Variants in TNKS observed in about 807,000 individuals in gnomAD.
TNKS encodes the protein tankyrase.
TNKS carries 72 observed loss-of-function variants against 135.8 expected under a neutral mutation model. The observed-to-expected ratio is 0.53, with a 90% CI of 0.44 to 0.64. The LOEUF (loss-of-function observed/expected upper bound fraction) is 0.64. Ranked by LOEUF, TNKS falls within the 30% of genes least tolerant of loss-of-function variation. TNKS has a pLI of 0.00. For missense variants in TNKS, 1,769 were observed against 1,674.0 expected, an observed-to-expected ratio of 1.06 and a Z score of -0.99; for synonymous variants, 849 against 649.3, an observed-to-expected ratio of 1.31 and a Z score of -4.68.
At chr8:9,646,346 T>G (rs1196457153) in intron 3 of TNKS, among the ~76,000 whole-genome samples, 2 of 152,160 alleles carry the variant, frequency 1.3e-5, no homozygotes, top group East Asian at 1.9e-4. Context: ...ATATAACTTT[T>G]TTATTCACCT....
At chr8:9,678,113 G>A (rs562818283) in intron 3 of TNKS, among the ~76,000 whole-genome samples, 1 of 152,264 alleles carries the variant, frequency 6.6e-6, no homozygotes, top group South Asian at 2.1e-4. Flanking sequence ...ATTCCTTGAG[G>A]TCAGAGATGA....
In TNKS at chr8:9,567,514, C is replaced by T. The variant is rs373585674; in HGVS notation, c.673+10902C>T. Among the ~76,000 whole-genome samples the T allele has an allele frequency of 5.3e-5, 8 of 152,326 alleles. 1 individual carries two copies. The highest frequency in any genetic ancestry group is 1.9e-4 in the East Asian group (1 of 5,182). On this transcript the variant is annotated intron_variant, in intron 1 of 26. Transcript: ENST00000310430. ...CACTGCAAGCTCTGCCTCCCGGGTT[C>T]ACGCCATTCTCCTGCCTCAGCCTCC...
intron 6 of TNKS, among the ~76,000 whole-genome samples, chr8:9,705,966 G>A (rs1050670688): frequency 1.3e-5 from 2 of 151,246 alleles, no homozygotes; most frequent in African/African-American, 4.9e-5. Context: ...TCTTCTATTT[G>A]GTATTTTTTT....
chr8:9,663,643 T>C (rs751448414), intron 3 of TNKS, among the ~76,000 whole-genome samples: 2 of 152,234 alleles, frequency 1.3e-5, no homozygotes, highest in African/African-American at 2.4e-5. Context: ...ATACTTCTTA[T>C]CTGCTGGCTG....
At chr8:9,687,146 T>G (rs2128800011) in intron 5 of TNKS, among the ~76,000 whole-genome samples, 1 of 152,270 alleles carries the variant, frequency 6.6e-6, no homozygotes. Flanking sequence ...TATAGTGACC[T>G]TTATCACCCT....
At chr8:9,692,804 G>A (rs1203310109) in intron 5 of TNKS, among the ~76,000 whole-genome samples, 1 of 152,146 alleles carries the variant, frequency 6.6e-6, no homozygotes, top group African/African-American at 2.4e-5. Flanking sequence ...CAAAAGTTAA[G>A]TAACTTCAAT....
intron 2 of TNKS, among the ~76,000 whole-genome samples, chr8:9,610,903 A>G (rs192320554): frequency 7.0e-4 from 107 of 152,338 alleles, no homozygotes; most frequent in African/African-American, 2.4e-3. Flanking sequence ...CTTTGTATGA[A>G]TGTAGAAATA....
At chr8:9,677,913 C>A (rs1802614103) in intron 3 of TNKS, among the ~76,000 whole-genome samples, 1 of 152,166 alleles carries the variant, frequency 6.6e-6, no homozygotes, top group Non-Finnish European at 1.5e-5. Context: ...GACCCTGCTT[C>A]ACCTGAGGAT....
chr8:9,632,234 G>T (rs995384144), intron 3 of TNKS, among the ~76,000 whole-genome samples: 1 of 152,152 alleles, frequency 6.6e-6, no homozygotes, highest in African/African-American at 2.4e-5. Flanking sequence ...TGAATTTTAT[G>T]AGTCATATGT....
chr8:9,606,579 C>G lies in TNKS; in HGVS notation c.899-9003C>G, dbSNP rs147368994. On this transcript the variant is annotated intron_variant, in intron 2 of 26. Coordinates refer to ENST00000310430, the MANE Select transcript of TNKS (RefSeq NM_003747.3). ...CTATGTTTCACTTCTTAAGACCATA[C>G]TTTCCTTTAATTCTTGGAATTTATT... Among the ~76,000 whole-genome samples the G allele has an allele frequency of 2.0e-5, 3 of 152,214 alleles. No individual in the cohort carries two copies. In the East Asian group the frequency reaches 5.8e-4, roughly 29 times the overall value.
chr8:9,669,182 G>A (rs1802147813), intron 3 of TNKS, among the ~76,000 whole-genome samples: 1 of 152,092 alleles, frequency 6.6e-6, no homozygotes, highest in Middle Eastern at 3.4e-3. Context: ...ACTTTGGGAG[G>A]CCGAGGCGGG....
intron 3 of TNKS, among the ~76,000 whole-genome samples, chr8:9,675,644 C>T (rs189856192): frequency 4.0e-4 from 61 of 152,198 alleles, no homozygotes; most frequent in African/African-American, 1.3e-3. Context: ...TGTGATTAAC[C>T]TAGTTAAAGC....
At chr8:9,707,681 C>G (rs1804113289) in intron 8 of TNKS, among the ~76,000 whole-genome samples, 1 of 152,114 alleles carries the variant, frequency 6.6e-6, no homozygotes, top group Non-Finnish European at 1.5e-5. Flanking sequence ...ATATTGGATT[C>G]TCATTCATGC....
At chr8:9,630,714 T>C (rs1001921249) in intron 3 of TNKS, among the ~76,000 whole-genome samples, 1 of 152,196 alleles carries the variant, frequency 6.6e-6, no homozygotes, top group Non-Finnish European at 1.5e-5. Context: ...TTACAGAGAA[T>C]CACTTGTTTG....
chr8:9,742,378 A>G (rs2128822862), intron 17 of TNKS, among the ~76,000 whole-genome samples: 1 of 148,258 alleles, frequency 6.7e-6, no homozygotes, highest in East Asian at 2.0e-4. Context: ...GTTTTTTAAC[A>G]TGGGCAACCC....
chr8:9,720,513 T>A lies in TNKS; in HGVS notation c.1889T>A (p.Met630Lys). Residue 630 changes from methionine to lysine, a missense_variant, in exon 12 of 27, where the codon ATG becomes AAG. Coordinates refer to ENST00000310430, the MANE Select transcript of TNKS (RefSeq NM_003747.3). ...TTACAAGGCTTCACAGCAGCACAGATGGGCAATGAAGCAGTGCAGCAGATT... is the reference window on the plus strand; with the variant it reads ...TTACAAGGCTTCACAGCAGCACAGAAGGGCAATGAAGCAGTGCAGCAGATT... ...ISLQGFTAAQ[M>K]GNEAVQQILS... 1.2e-6 allele frequency: 2 copies of A among 1,614,022 alleles called. No individual in the cohort carries two copies. The highest frequency in any genetic ancestry group is 1.7e-6 in the Non-Finnish European group (2 of 1,179,954).
chr8:9,741,558 G>T, intron 17 of TNKS: 1 of 265,684 alleles, frequency 3.8e-6, no homozygotes, highest in African/African-American at 2.2e-5. Flanking sequence ...GTTAAGATGT[G>T]TTCTACTGCA....
intron 3 of TNKS, among the ~76,000 whole-genome samples, chr8:9,669,068 G>A (rs961032512): frequency 6.6e-6 from 1 of 152,090 alleles, no homozygotes; most frequent in East Asian, 1.9e-4. Flanking sequence ...ATTAGCTACA[G>A]GACTGTTATA....
rs1805646451 is a variant in TNKS, at chr8:9,735,399, A to T, written c.2556A>T (p.Val852=). Reference sequence around the variant, plus strand: ...TAGCAGGCTATAATAACCTGGAAGTAGCTGAATATCTTCTAGAGCATGGAG... The same window carrying T: ...TAGCAGGCTATAATAACCTGGAAGTTGCTGAATATCTTCTAGAGCATGGAG... ...HLAAGYNNLE[V]AEYLLEHGAD... Residue 852 remains valine, a synonymous_variant, in exon 17 of 27, where the codon GTA becomes GTT. Coordinates refer to ENST00000310430, the MANE Select transcript of TNKS (RefSeq NM_003747.3). 2 of 1,614,066 alleles carry T rather than the reference A, an allele frequency of 1.2e-6. No homozygotes were observed. Among genetic ancestry groups the T allele is most frequent in the Non-Finnish European group, 1.7e-6 (2 of 1,180,002 alleles).
Sources: gnomAD v4.1 joint callset for allele counts (sites outside exome capture counted in the v4.1 genomes callset) on GRCh38, gnomAD v4.1.1 for gene constraint, MANE v1.5 for transcripts, NCBI Gene and HGNC (gene_info 2026-07-23, HGNC 2026-07-21) for gene names.